Variants in TET2 observed in about 807,000 individuals in gnomAD.
The protein encoded by TET2 is methylcytosine dioxygenase TET2.
TET2 carries 299 observed loss-of-function variants against 142.9 expected under a neutral mutation model. That is an observed-to-expected ratio of 2.09 (90% CI 1.90 to 2.30). The LOEUF (loss-of-function observed/expected upper bound fraction) is 2.30, where lower values mean the gene tolerates loss of function less well. TET2 is among the 30% of genes most tolerant of loss of function. The pLI, the probability that TET2 is intolerant of heterozygous loss-of-function variation, is 0.00. For synonymous variants in TET2, 819 were observed against 849.0 expected (o/e 0.96, Z 0.61); for missense variants, 2,418 against 2,378.0 (o/e 1.02, Z -0.35).
At chr4:105,210,072 C>G (rs780229250) in intron 2 of TET2, among the ~76,000 whole-genome samples, 2 of 152,248 alleles carry the variant, frequency 1.3e-5, no homozygotes, top group African/African-American at 4.8e-5. Context: ...TAGTACCCCT[C>G]ACACTGATGG....
In TET2 at chr4:105,234,720, TTG is replaced by T; in HGVS notation, c.780_781del (p.Leu260PhefsTer3). 1 of 1,613,950 alleles carries T rather than the reference TTG, an allele frequency of 6.2e-7. No homozygotes were observed. Among genetic ancestry groups the T allele is most frequent in the Non-Finnish European group, 8.5e-7 (1 of 1,179,982 alleles). On this transcript the variant is annotated frameshift_variant, in exon 3 of 11. Transcript: ENST00000380013. LOFTEE classifies it high-confidence loss of function. The stretch of plus-strand genomic sequence containing the variant: ...CATTAACAGTCAGGCTACTAATGAG[TTG>T]TCCTGTGAGATCACTCACCCATCGC... ...NAINSQATNE[L>X]SCEITHPSHT...
intron 4 of TET2, 31 bp downstream of exon 4, chr4:105,241,460 A>G: frequency 2.0e-6 from 3 of 1,528,144 alleles, no homozygotes; most frequent in Non-Finnish European, 2.6e-6. Context: ...GGGCAGATTA[A>G]CGTTTATCCT....
chr4:105,240,555 G>A, intron 3 of TET2: 1 of 1,079,364 alleles, frequency 9.3e-7, no homozygotes, highest in Non-Finnish European at 1.1e-6. Context: ...ACCCCACACT[G>A]TGTAGAAGGA....
chr4:105,275,420 T>TA lies in TET2; in HGVS notation c.4911dup (p.Ser1638IlefsTer23), dbSNP rs1489127725. ...CCATCATATCAATGCAATGGAAACCTATCAGTGGACAACTGCTCCCCATAT... is the reference window on the plus strand; with the variant it reads ...CCATCATATCAATGCAATGGAAACCTAATCAGTGGACAACTGCTCCCCATAT... On this transcript the variant is annotated frameshift_variant, in exon 11 of 11. Coordinates refer to ENST00000380013, the MANE Select transcript of TET2 (RefSeq NM_001127208.3). LOFTEE classifies it low-confidence loss of function (END_TRUNC). 1 of 1,551,652 alleles carries TA rather than the reference T, an allele frequency of 6.4e-7. No individual in the cohort carries two copies. Among genetic ancestry groups the TA allele is most frequent in the South Asian group, 1.2e-5 (1 of 84,064 alleles).
intron 2 of TET2, among the ~76,000 whole-genome samples, chr4:105,204,729 C>T (rs957034496): frequency 1.3e-5 from 2 of 152,110 alleles, no homozygotes; most frequent in African/African-American, 4.8e-5. Flanking sequence ...ACCATGCACT[C>T]TAGGTTTTCT....
chr4:105,274,509 T>C (rs944793679), intron 10 of TET2, among the ~76,000 whole-genome samples: 10 of 152,242 alleles, frequency 6.6e-5, no homozygotes, highest in African/African-American at 2.4e-4. Flanking sequence ...CAAATTCCAT[T>C]GCATGCCAGG....
At chr4:105,222,338 A>C (rs1044193581) in intron 2 of TET2, among the ~76,000 whole-genome samples, 5 of 152,314 alleles carry the variant, frequency 3.3e-5, no homozygotes, top group South Asian at 2.1e-4. Context: ...CCAACAGCGT[A>C]AAAGTGTTCC....
chr4:105,209,450 G>A (rs1202285350), intron 2 of TET2, among the ~76,000 whole-genome samples: 1 of 151,902 alleles, frequency 6.6e-6, no homozygotes, highest in African/African-American at 2.4e-5. Flanking sequence ...GTAGTCAGTG[G>A]GGTTGACTTC....
intron 2 of TET2, among the ~76,000 whole-genome samples, chr4:105,229,837 C>G (rs550035519): frequency 6.6e-6 from 1 of 151,816 alleles, no homozygotes; most frequent in South Asian, 2.1e-4. Context: ...GTGTAGCTTC[C>G]TTTATTCCAT....
chr4:105,272,657 G>T lies in TET2; in HGVS notation c.4276G>T (p.Val1426Leu). The change falls in exon 10 of 11, where the codon GTG (valine) becomes TTG (leucine). Residue 1426 changes from valine to leucine, a missense_variant. Coordinates refer to ENST00000380013, the MANE Select transcript of TET2 (RefSeq NM_001127208.3). Reference sequence around the variant, plus strand: ...TCTGCCTTTATACAAAGTCTCTGACGTGGATGAGTTTGGGAGTGTGGAAGC... The same window carrying T: ...TCTGCCTTTATACAAAGTCTCTGACTTGGATGAGTTTGGGAGTGTGGAAGC... ...HVLPLYKVSD[V>L]DEFGSVEAQE... The T allele has an allele frequency of 6.4e-7, 1 of 1,551,690 alleles. No homozygotes were observed. The highest frequency in any genetic ancestry group is 8.7e-7 in the Non-Finnish European group (1 of 1,146,976).
chr4:105,244,586 GTTTTTTTTTTTTTTT>G (rs566674796), intron 6 of TET2, among the ~76,000 whole-genome samples: 1 of 66,696 alleles, frequency 1.5e-5, no homozygotes, highest in African/African-American at 4.1e-5. Context: ...ACACAGAAAT[GTTTTTTTTTTTTTTT>G]TTTTTTTTTT....
chr4:105,267,825 A>T (rs1043580874), intron 8 of TET2, among the ~76,000 whole-genome samples: 9 of 152,162 alleles, frequency 5.9e-5, no homozygotes, highest in Non-Finnish European at 1.0e-4. Context: ...AGATATTTTT[A>T]ACATAAAAAA....
At chr4:105,231,800 G>C (rs1195115899) in intron 2 of TET2, among the ~76,000 whole-genome samples, 4 of 152,112 alleles carry the variant, frequency 2.6e-5, no homozygotes. Flanking sequence ...TTATACAATG[G>C]ATTAATTTTT....
intron 6 of TET2, among the ~76,000 whole-genome samples, chr4:105,245,546 T>G (rs1344302519): frequency 6.6e-6 from 1 of 152,136 alleles, no homozygotes; most frequent in East Asian, 1.9e-4. Context: ...ATCAGGCTGG[T>G]CTGGAACTCC....
Position 105,242,979 on chromosome 4 carries a change from T to C in TET2, c.3594+52T>C, listed in dbSNP as rs548479317. 2.7e-5 allele frequency: 39 copies of C among 1,433,490 alleles called. No homozygotes were observed. The Middle Eastern group carries it at 6.9e-4, about 25-fold the overall frequency. The allele number at this position is 1,433,490 out of a possible 1,614,324, so 88.8% of individuals were successfully genotyped here. On this transcript the variant is annotated intron_variant, in intron 5 of 10. Coordinates refer to ENST00000380013, the MANE Select transcript of TET2 (RefSeq NM_001127208.3). ...GTCTTAAATCTTGGGCATTTTGATT[T>C]GTAAATCTGACCCTGAGAATTGGGT...
rs1731271775 is a variant in TET2, at chr4:105,277,338, T to G, written c.*819T>G. 1 of 224,462 alleles carries G rather than the reference T, an allele frequency of 4.5e-6. No homozygotes were observed. Among genetic ancestry groups the G allele is most frequent in the Non-Finnish European group, 8.9e-6 (1 of 112,638 alleles). 13.9% of individuals were successfully genotyped at this position (224,462 alleles called of 1,614,324 possible). On this transcript the variant is annotated 3_prime_UTR_variant, in exon 11 of 11. Coordinates refer to ENST00000380013, the MANE Select transcript of TET2 (RefSeq NM_001127208.3). ...TGAAGTCCTTGTAGGACAATAAACG[T>G]ATATATGTACATATATACACAAACA...
At chr4:105,199,278 G>C (rs949742112) in intron 2 of TET2, among the ~76,000 whole-genome samples, 1 of 152,122 alleles carries the variant, frequency 6.6e-6, no homozygotes, top group Non-Finnish European at 1.5e-5. Flanking sequence ...TATTAATACA[G>C]TCTCAAAGCA....
intron 2 of TET2, among the ~76,000 whole-genome samples, chr4:105,209,057 A>G (rs1257558059): frequency 6.4e-5 from 4 of 62,748 alleles, no homozygotes; most frequent in African/African-American, 1.7e-4. Context: ...TGGTATATAT[A>G]TATATATATA....
At position 105,229,652 on chromosome 4, in the gene TET2, T is replaced by TA. The variant is rs547463581; in HGVS notation, c.-46-4231dup. On this transcript the variant is annotated intron_variant, in intron 2 of 10. Coordinates refer to ENST00000380013, the MANE Select transcript of TET2 (RefSeq NM_001127208.3). ...GTAATACACATGCTTGGAAGTTATT[T>TA]AAAAAAAAAAAAAAGGAATAGTTAA... Among the ~76,000 whole-genome samples, 989 of 141,328 alleles carry TA rather than the reference T, an allele frequency of 7.0e-3. 4 individuals are homozygous for TA. The highest frequency in any genetic ancestry group is 0.035 in the East Asian group (174 of 4,946). 92.7% of individuals were successfully genotyped at this position (141,328 alleles called of 152,430 possible). A position where few individuals can be genotyped will look rare whatever the true frequency, so the allele number is the denominator to read the frequency against.
Sources: gnomAD v4.1 joint callset for allele counts (sites outside exome capture counted in the v4.1 genomes callset) on GRCh38, gnomAD v4.1.1 for gene constraint, MANE v1.5 for transcripts, NCBI Gene and HGNC (gene_info 2026-07-23, HGNC 2026-07-21) for gene names.